MAMSTR: variants seen among roughly 807,000 people sequenced by gnomAD.
MAMSTR encodes the protein MEF2-activating motif and SAP domain-containing transcriptional regulator.
MAMSTR carries 41 observed loss-of-function variants against 42.7 expected under a neutral mutation model. The observed-to-expected ratio is 0.96, with a 90% CI of 0.75 to 1.25. The LOEUF (loss-of-function observed/expected upper bound fraction) is 1.25, where lower values mean the gene tolerates loss of function less well. MAMSTR is among the 50% of genes most tolerant of loss of function. The pLI, the probability that MAMSTR is intolerant of heterozygous loss-of-function variation, is 0.00. For synonymous variants in MAMSTR, 265 were observed against 244.1 expected, an observed-to-expected ratio of 1.09 and a Z score of -0.80; for missense variants, 567 against 557.6, an observed-to-expected ratio of 1.02 and a Z score of -0.17.
rs1464346354 is a variant in MAMSTR at position 48,715,466 on chromosome 19, G to A, written c.241-20C>T. The A allele has an allele frequency of 5.4e-6, 8 of 1,477,402 alleles. No homozygotes were observed. Among genetic ancestry groups the A allele is most frequent in the Non-Finnish European group, 7.2e-6 (8 of 1,116,970 alleles). 91.5% of individuals were successfully genotyped at this position (1,477,402 alleles called of 1,614,324 possible). On this transcript the variant is annotated intron_variant, in intron 4 of 9. Coordinates refer to ENST00000318083, the MANE Select transcript of MAMSTR (RefSeq NM_001130915.2). Reference sequence around the variant, plus strand: ...AGACTCCTGAAAGAGCAGGTGTGATGTTTTAGGCTTCAGCGCGGCTCCCAC... The same window carrying A: ...AGACTCCTGAAAGAGCAGGTGTGATATTTTAGGCTTCAGCGCGGCTCCCAC...
Position 48,719,144 on chromosome 19 carries a change from A to G in MAMSTR, c.-21-92T>C, listed in dbSNP as rs1214565104. 2 of 869,288 alleles carry G rather than the reference A, an allele frequency of 2.3e-6. No homozygotes were observed. The highest frequency in any genetic ancestry group is 2.0e-5 in the Admixed American group (1 of 49,184). The allele number at this position is 869,288 out of a possible 1,614,324, so 53.8% of individuals were successfully genotyped here. ...GCCCCTGAGAGTGAATTCAGCAGGG[A>G]AAGGGCCCGAAGGAGGTGGGAATAG... On this transcript the variant is annotated intron_variant, in intron 1 of 9. Coordinates refer to ENST00000318083, the MANE Select transcript of MAMSTR (RefSeq NM_001130915.2). This position sits in a 1 kb window ranked among gnomAD's most constrained non-coding sequence, Gnocchi z 4.4.
chr19:48,708,681 G>A (rs185029859), downstream of MAMSTR, among the ~76,000 whole-genome samples: 643 of 152,298 alleles, frequency 4.2e-3, 2 homozygotes, highest in African/African-American at 0.014. Flanking sequence ...GGGACCACGT[G>A]CACCCTCAGC....
the MAMSTR span, among the ~76,000 whole-genome samples, chr19:48,706,538 G>A: frequency 2.0e-5 from 3 of 152,040 alleles, no homozygotes; most frequent in African/African-American, 7.2e-5. Flanking sequence ...TAGGGAGGCT[G>A]AGACAGAAGA....
Position 48,713,455 on chromosome 19 carries a change from A to T in MAMSTR, c.1060T>A (p.Ser354Thr), listed in dbSNP as rs751167789. 4 of 1,612,718 alleles carry T rather than the reference A, an allele frequency of 2.5e-6. No individual in the cohort carries two copies. The Admixed American group carries it at 5.0e-5, about 20-fold the overall frequency. Residue 354 changes from serine to threonine, a missense_variant, in exon 10 of 10, where the codon TCA becomes ACA. Transcript: ENST00000318083. ...SEGLSSVFSS[S>T]LPSPTNSSSP... Reference sequence around the variant, plus strand: ...GAGGAGTTCGTGGGAGACGGGAGTGAAGAGGAGAAAACAGATGAGAGGCCT... The same window carrying T: ...GAGGAGTTCGTGGGAGACGGGAGTGTAGAGGAGAAAACAGATGAGAGGCCT...
intron 5 of MAMSTR, 27 bp from the exon 6 acceptor site, chr19:48,714,935 A>C (rs2032936681): frequency 6.8e-7 from 1 of 1,474,114 alleles, no homozygotes; most frequent in Non-Finnish European, 9.4e-7. Context: ...GGGGCGAACA[A>C]AGGTTAGAGA....
chr19:48,709,968 C>T (rs993666462), downstream of MAMSTR, among the ~76,000 whole-genome samples: 1 of 152,044 alleles, frequency 6.6e-6, no homozygotes, highest in Non-Finnish European at 1.5e-5. Flanking sequence ...CTCCTGGGTT[C>T]AGGCCATTCT....
rs1464580786 is a variant in MAMSTR, at chr19:48,719,458, G to A, written c.-22+221C>T. Among the ~76,000 whole-genome samples, 1 of 152,154 alleles carries A rather than the reference G, an allele frequency of 6.6e-6. No homozygotes were observed. Among genetic ancestry groups the A allele is most frequent in the Non-Finnish European group, 1.5e-5 (1 of 68,024 alleles). On this transcript the variant is annotated intron_variant, in intron 1 of 9. Coordinates refer to ENST00000318083, the MANE Select transcript of MAMSTR (RefSeq NM_001130915.2). The surrounding 1 kb of genome is among the most constrained non-coding windows in gnomAD (Gnocchi z 4.4). ...TGAAGGAGAAGGAGGTTAAGGGCTGGAACTCAATACTCTTAGGAGATGAGA... is the reference window on the plus strand; with the variant it reads ...TGAAGGAGAAGGAGGTTAAGGGCTGAAACTCAATACTCTTAGGAGATGAGA...
chr19:48,716,928 C>A, intron 2 of MAMSTR, 185 bp from the exon 3 acceptor site: 1 of 1,200,492 alleles, frequency 8.3e-7, no homozygotes, highest in Non-Finnish European at 1.0e-6. Flanking sequence ...CTGCTCCCTG[C>A]CAGCGCAGCG....
Position 48,719,069 on chromosome 19 carries a change from C to A in MAMSTR, c.-21-17G>T. The A allele has an allele frequency of 6.5e-7, 1 of 1,544,066 alleles. No homozygotes were observed. Among genetic ancestry groups the A allele is most frequent in the Non-Finnish European group, 8.8e-7 (1 of 1,141,700 alleles). ...GATGGGGACCTGGACGGAGAGGGGGCAGGGCAGGGGCCCCATAGAGGGCTG... is the reference window on the plus strand; with the variant it reads ...GATGGGGACCTGGACGGAGAGGGGGAAGGGCAGGGGCCCCATAGAGGGCTG... On this transcript the variant is annotated splice_polypyrimidine_tract_variant and intron_variant, in intron 1 of 9. Transcript: ENST00000318083. This position sits in a 1 kb window ranked among gnomAD's most constrained non-coding sequence, Gnocchi z 4.4.
intron 4 of MAMSTR, 31 bp from the exon 5 acceptor site, chr19:48,715,477 C>T: frequency 1.4e-6 from 2 of 1,469,092 alleles, no homozygotes; most frequent in Non-Finnish European, 1.8e-6. Context: ...TTTTAGGCTT[C>T]AGCGCGGCTC....
Position 48,713,920 on chromosome 19 carries a change from C to T in MAMSTR, c.849G>A (p.Gly283=), listed in dbSNP as rs1037177193. The part of the protein sequence containing the change: ...AAAPALTPSS[G]PGSAALTLEE... ...CCAGAGTCAGAGCCGCTGAGCCCGG[C>T]CCTGAGGAAGGGGTCAGGGCTGGAG... Residue 283 remains glycine (G), a synonymous_variant, in exon 8 of 10, where the codon GGG becomes GGA. Coordinates refer to ENST00000318083, the MANE Select transcript of MAMSTR (RefSeq NM_001130915.2). 1 of 1,612,284 alleles carries T rather than the reference C, an allele frequency of 6.2e-7. No individual in the cohort carries two copies. Among genetic ancestry groups the T allele is most frequent in the Non-Finnish European group, 8.5e-7 (1 of 1,178,798 alleles).
At chr19:48,717,295 G>T (rs1016415294) in intron 2 of MAMSTR, among the ~76,000 whole-genome samples, 2 of 149,222 alleles carry the variant, frequency 1.3e-5, no homozygotes, top group African/African-American at 4.9e-5. Flanking sequence ...TGTTAACACT[G>T]TTTTTTTTTC....
rs2032891125 is a variant in MAMSTR at position 48,714,384 on chromosome 19, G to T, written c.705C>A (p.Ala235=). 2 of 1,366,730 alleles carry T rather than the reference G, an allele frequency of 1.5e-6. No homozygotes were observed. The highest frequency in any genetic ancestry group is 1.5e-5 in the African/African-American group (1 of 65,458). 84.7% of individuals were successfully genotyped at this position (1,366,730 alleles called of 1,614,324 possible). ...CCCTCACCGAGCCCTGACGCCGGGC[G>T]GCTGCCAGGGCCTTGGGCTTGAGGC... is the stretch of plus-strand genomic sequence containing the variant. ...WPRLKPKALA[A]ARRQGSVKPS... is the part of the protein sequence containing the mutation. The change falls in exon 7 of 10, where the codon GCC becomes GCA. Residue 235 remains alanine, a synonymous_variant. Coordinates refer to ENST00000318083, the MANE Select transcript of MAMSTR (RefSeq NM_001130915.2).
Position 48,715,757 on chromosome 19 carries a change from C to T in MAMSTR, c.108G>A (p.Pro36=), listed in dbSNP as rs373274912. 1.4e-4 allele frequency: 215 copies of T among 1,541,574 alleles called. 1 individual carries two copies. The highest frequency in any genetic ancestry group is 2.8e-4 in the South Asian group (23 of 82,990). ...HRRNQEQISD[P]DPWISASDPP... ...GGTCTGAGGCTGAGATCCACGGGTCCGGATCCGAGACTGGAGAGACGGTGA... is the reference window on the plus strand; with the variant it reads ...GGTCTGAGGCTGAGATCCACGGGTCTGGATCCGAGACTGGAGAGACGGTGA... The change falls in exon 4 of 10, where the codon CCG becomes CCA. Residue 36 remains proline, a synonymous_variant. Coordinates refer to ENST00000318083, the MANE Select transcript of MAMSTR (RefSeq NM_001130915.2).
At chr19:48,709,908 C>T (rs1279372622), downstream of MAMSTR, among the ~76,000 whole-genome samples, 2 of 146,154 alleles carry the variant, frequency 1.4e-5, no homozygotes, top group Non-Finnish European at 2.9e-5. Context: ...CTCACTCTTT[C>T]GCCCAGGCTG....
Position 48,719,122 on chromosome 19 carries a change from C to G in MAMSTR, c.-21-70G>C. 9.2e-7 allele frequency: 1 copy of G among 1,086,132 alleles called. No homozygotes were observed. Among genetic ancestry groups the G allele is most frequent in the Non-Finnish European group, 1.4e-6 (1 of 732,386 alleles). The allele number at this position is 1,086,132 out of a possible 1,614,324, so 67.3% of individuals were successfully genotyped here. On this transcript the variant is annotated intron_variant, in intron 1 of 9. Transcript: ENST00000318083. The surrounding 1 kb of genome is among the most constrained non-coding windows in gnomAD (Gnocchi z 4.4). ...TCAGAGTGGAGGTCAGGAGGCCGCC[C>G]CTGAGAGTGAATTCAGCAGGGAAAG...
chr19:48,716,347 G>C (rs1047963966), intron 3 of MAMSTR, among the ~76,000 whole-genome samples: 1 of 132,700 alleles, frequency 7.5e-6, no homozygotes, highest in African/African-American at 3.0e-5. Context: ...TGACACTCCA[G>C]CCTGGCGACA....
chr19:48,711,739 GTT>G (rs34890088), downstream of MAMSTR, among the ~76,000 whole-genome samples: 3 of 76,248 alleles, frequency 3.9e-5, no homozygotes, highest in East Asian at 4.1e-4. Context: ...TACCTGGCTA[GTT>G]TTTTTTTTTT....
chr19:48,718,857 A>G, intron 2 of MAMSTR, 117 bp downstream of exon 2: 3 of 1,043,288 alleles, frequency 2.9e-6, no homozygotes, highest in South Asian at 1.4e-5. Context: ...TTTATGCAAC[A>G]TGACCTTTTG....
Sources: allele counts gnomAD v4.1 joint callset (sites outside exome capture counted in the v4.1 genomes callset), GRCh38; gene constraint gnomAD v4.1.1; non-coding constraint Gnocchi (gnomAD v3.1); transcripts MANE v1.5; gene names NCBI Gene and HGNC (gene_info 2026-07-23, HGNC 2026-07-21).